Variants in OPRK1 observed in about 807,000 individuals in gnomAD.
OPRK1 encodes opioid receptor kappa 1, also known as kappa-type opioid receptor.
Under a neutral mutation model 24.5 loss-of-function variants are expected in OPRK1, and 15 were observed. The ratio of observed to expected loss-of-function variants is 0.61; its 90% CI spans 0.41 to 0.94. The LOEUF (loss-of-function observed/expected upper bound fraction) is 0.94. Ranked by LOEUF, OPRK1 falls within the 40% of genes least tolerant of loss-of-function variation. The probability of loss-of-function intolerance (pLI) is 0.00; values close to 1 mark genes in which losing one functional copy is unlikely to be tolerated. For synonymous variants in OPRK1, 205 were observed against 198.0 expected, an observed-to-expected ratio of 1.04 and a Z score of -0.30; for missense variants, 479 against 507.3, an observed-to-expected ratio of 0.94 and a Z score of 0.54.
At chr8:53,247,668 TGCACAGGA>T (rs772910113) in intron 2 of OPRK1, among the ~76,000 whole-genome samples, 24 of 59,100 alleles carry the variant, frequency 4.1e-4, no homozygotes, top group Admixed American at 1.9e-3. Context: ...GGGGGAATCC[TGCACAGGA>T]GGAAGTCAGG....
intron 2 of OPRK1, among the ~76,000 whole-genome samples, chr8:53,247,548 A>G (rs746886891): frequency 1.8e-4 from 28 of 152,140 alleles, no homozygotes; most frequent in Non-Finnish European, 4.0e-4. Flanking sequence ...AAGTTGTGGT[A>G]AGAGTGGCAG....
rs1806798924 is a variant in OPRK1, at chr8:53,229,503, A to C, written c.937T>G (p.Tyr313Asp). ...GTATAGCCTAAGGCGATGCAGAAGT[A>C]ATAGCTGGAGAGAGCAGCTGTGCTG... is the stretch of plus-strand genomic sequence containing the variant. ...SHSTAALSSY[Y>D]FCIALGYTNS... The change falls in exon 4 of 4, where the codon TAC (tyrosine) becomes GAC (aspartate). Residue 313 changes from tyrosine to aspartate, a missense_variant. Transcript: ENST00000265572. 1.2e-6 allele frequency: 2 copies of C among 1,614,230 alleles called. No homozygotes were observed. The highest frequency in any genetic ancestry group is 1.7e-6 in the Non-Finnish European group (2 of 1,180,046).
At chr8:53,232,097 G>C (rs1465794454) in intron 3 of OPRK1, among the ~76,000 whole-genome samples, 1 of 152,082 alleles carries the variant, frequency 6.6e-6, no homozygotes, top group Non-Finnish European at 1.5e-5. Context: ...GAATCCCAGT[G>C]CACTTCACAT....
chr8:53,233,923 C>T (rs1006712830), intron 3 of OPRK1, among the ~76,000 whole-genome samples: 7 of 152,200 alleles, frequency 4.6e-5, no homozygotes, highest in African/African-American at 1.2e-4. Context: ...GGGGGCCGGG[C>T]GCAGTGGCTC....
At position 53,229,493 on chromosome 8, in the gene OPRK1, A is replaced by T; in HGVS notation, c.947T>A (p.Ile316Asn). ...TAALSSYYFC[I>N]ALGYTNSSLN... ...GCTACTGTTGGTATAGCCTAAGGCGATGCAGAAGTAATAGCTGGAGAGAGC... is the reference window on the plus strand; with the variant it reads ...GCTACTGTTGGTATAGCCTAAGGCGTTGCAGAAGTAATAGCTGGAGAGAGC... Residue 316 changes from isoleucine (I) to asparagine (N), a missense_variant, in exon 4 of 4, where the codon ATC becomes AAC. Transcript: ENST00000265572. 1 of 1,614,232 alleles carries T rather than the reference A, an allele frequency of 6.2e-7. No homozygotes were observed. The highest frequency in any genetic ancestry group is 1.1e-5 in the South Asian group (1 of 91,088).
chr8:53,242,927 G>C (rs1807150373), intron 2 of OPRK1: 1 of 1,288,040 alleles, frequency 7.8e-7, no homozygotes, highest in Non-Finnish European at 1.0e-6. Context: ...TTGGCCAATG[G>C]AGAAGGCAAG....
intron 2 of OPRK1, chr8:53,242,857 C>T (rs941372643): frequency 4.0e-5 from 52 of 1,284,844 alleles, no homozygotes; most frequent in Non-Finnish European, 4.5e-5. Flanking sequence ...ACACCAGTCC[C>T]TTTGGGATCT....
At chr8:53,231,327 A>G (rs1806848790) in intron 3 of OPRK1, among the ~76,000 whole-genome samples, 1 of 152,184 alleles carries the variant, frequency 6.6e-6, no homozygotes, top group Non-Finnish European at 1.5e-5. Flanking sequence ...TAAATATTCT[A>G]TTCTGGGTTT....
At chr8:53,245,719 C>T (rs1807212785) in intron 2 of OPRK1, among the ~76,000 whole-genome samples, 1 of 152,126 alleles carries the variant, frequency 6.6e-6, no homozygotes, top group African/African-American at 2.4e-5. Context: ...GATGAGTCAC[C>T]TTGGCCAGGC....
intron 2 of OPRK1, among the ~76,000 whole-genome samples, chr8:53,250,096 CACACAAAT>C (rs1807335626): frequency 6.6e-6 from 1 of 151,508 alleles, no homozygotes; most frequent in Non-Finnish European, 1.5e-5. Flanking sequence ...CACACACACA[CACACAAAT>C]AAAACCTTCA....
At chr8:53,233,312 G>A (rs911116396) in intron 3 of OPRK1, among the ~76,000 whole-genome samples, 2 of 152,186 alleles carry the variant, frequency 1.3e-5, no homozygotes, top group Non-Finnish European at 2.9e-5. Flanking sequence ...CTCTGTAGGG[G>A]AGGATGTGCC....
In OPRK1 at chr8:53,237,323, A is replaced by T. The variant is rs142287914; in HGVS notation, c.258-2212T>A. 1.1e-3 allele frequency among the ~76,000 whole-genome samples: 167 copies of T among 152,372 alleles called. 1 individual carries two copies. The highest frequency in any genetic ancestry group is 3.8e-3 in the African/African-American group (160 of 41,586). ...TAAATTACTGTAAAATGTAATGTGC[A>T]TCTTTAAGTAGTCATACAATGTAGA... On this transcript the variant is annotated intron_variant, in intron 2 of 3. Coordinates refer to ENST00000265572, the MANE Select transcript of OPRK1 (RefSeq NM_000912.5).
chr8:53,226,058 G>T lies in OPRK1; in HGVS notation c.*3239C>A, dbSNP rs7832417. On this transcript the variant is annotated 3_prime_UTR_variant, in exon 4 of 4. Transcript: ENST00000265572. ...GCTCCCTGAATTTGCATGAGTCATCGTATTTCATCCCAGGACTAGATGAAA... is the reference window on the plus strand; with the variant it reads ...GCTCCCTGAATTTGCATGAGTCATCTTATTTCATCCCAGGACTAGATGAAA... 0.24 allele frequency: 37,045 copies of T among 152,000 alleles called. 6,285 individuals carry two copies. Among genetic ancestry groups the T allele is most frequent in the African/African-American group, 0.48 (19,852 of 41,416 alleles). 9.4% of individuals were successfully genotyped at this position (152,000 alleles called of 1,614,324 possible). A position where few individuals can be genotyped will look rare whatever the true frequency, so the allele number is the denominator to read the frequency against.
chr8:53,241,789 C>G (rs1807121377), intron 2 of OPRK1, among the ~76,000 whole-genome samples: 2 of 152,204 alleles, frequency 1.3e-5, no homozygotes, highest in South Asian at 4.1e-4. Flanking sequence ...GATCAGGACT[C>G]CAGACGCACA....
intron 3 of OPRK1, among the ~76,000 whole-genome samples, chr8:53,234,026 T>C (rs1422109766): frequency 6.6e-6 from 1 of 151,686 alleles, no homozygotes; most frequent in African/African-American, 2.4e-5. Flanking sequence ...TGAAACCCTG[T>C]CTCTACTAAA....
chr8:53,248,845 C>T (rs372264529), intron 2 of OPRK1, among the ~76,000 whole-genome samples: 1 of 152,158 alleles, frequency 6.6e-6, no homozygotes, highest in East Asian at 1.9e-4. Context: ...CATCATCAAA[C>T]GTAACCTTTA....
chr8:53,242,667 C>T (rs924174960), intron 2 of OPRK1: 9 of 337,290 alleles, frequency 2.7e-5, no homozygotes, highest in Non-Finnish European at 3.3e-5. Flanking sequence ...CCACTACGCC[C>T]GGCTAATTTT....
At chr8:53,238,183 A>T (rs1236714630) in intron 2 of OPRK1, among the ~76,000 whole-genome samples, 1 of 152,132 alleles carries the variant, frequency 6.6e-6, no homozygotes, top group East Asian at 1.9e-4. Context: ...CTTTTCATTC[A>T]CTGTATGTCC....
At chr8:53,232,936 G>A (rs947754189) in intron 3 of OPRK1, among the ~76,000 whole-genome samples, 10 of 152,170 alleles carry the variant, frequency 6.6e-5, no homozygotes, top group Admixed American at 2.6e-4. Context: ...AACATTTTAC[G>A]TTCACAAAGT....
Sources: gnomAD v4.1 joint callset for allele counts (sites outside exome capture counted in the v4.1 genomes callset) on GRCh38, gnomAD v4.1.1 for gene constraint, MANE v1.5 for transcripts, NCBI Gene and HGNC (gene_info 2026-07-23, HGNC 2026-07-21) for gene names.